The following SPAG1 variants were observed in gnomAD, a reference collection of about 807,000 sequenced individuals.
The protein encoded by SPAG1 is sperm-associated antigen 1.
SPAG1 carries 69 observed loss-of-function variants against 100.5 expected under a neutral mutation model. That is an observed-to-expected ratio of 0.69 (90% confidence interval 0.57 to 0.84). The LOEUF (loss-of-function observed/expected upper bound fraction) is 0.84, where lower values mean the gene tolerates loss of function less well. Ranked by LOEUF, SPAG1 falls within the 40% of genes least tolerant of loss-of-function variation. The pLI, the probability that SPAG1 is intolerant of heterozygous loss-of-function variation, is 0.00. For synonymous variants in SPAG1, 336 were observed against 411.6 expected, an observed-to-expected ratio of 0.82 and a Z score of 2.22; for missense variants, 955 against 1,133.1, an observed-to-expected ratio of 0.84 and a Z score of 2.26.
At chr8:100,188,288 AC>A (rs1816672624) in intron 8 of SPAG1, among the ~76,000 whole-genome samples, 1 of 152,068 alleles carries the variant, frequency 6.6e-6, no homozygotes, top group Admixed American at 6.5e-5. Context: ...AGTAGCTGGG[AC>A]TACAAGCACG....
chr8:100,212,627 C>A (rs1487864326), intron 10 of SPAG1, among the ~76,000 whole-genome samples: 2 of 152,146 alleles, frequency 1.3e-5, no homozygotes, highest in Non-Finnish European at 2.9e-5. Flanking sequence ...AAATCACTTA[C>A]GCTTTATTTT....
intron 14 of SPAG1, among the ~76,000 whole-genome samples, chr8:100,228,026 T>C (rs901519988): frequency 6.6e-6 from 1 of 151,890 alleles, no homozygotes; most frequent in South Asian, 2.1e-4. Context: ...GTATTTTTTA[T>C]AGAGACAGGA....
At chr8:100,202,853 G>A (rs1817347446) in intron 10 of SPAG1, among the ~76,000 whole-genome samples, 1 of 149,980 alleles carries the variant, frequency 6.7e-6, no homozygotes, top group South Asian at 2.2e-4. Context: ...CTAGCTTTTA[G>A]TAAGTTTTGA....
intron 3 of SPAG1, among the ~76,000 whole-genome samples, chr8:100,166,406 A>AT (rs943710568): frequency 6.6e-6 from 1 of 151,900 alleles, no homozygotes; most frequent in African/African-American, 2.4e-5. Flanking sequence ...TTACAGGTGC[A>AT]TGCCACCATG....
Position 100,191,453 on chromosome 8 carries a change from TGAGTA to T in SPAG1, c.897_901del (p.Lys301ThrfsTer4), listed in dbSNP as rs751845138. On this transcript the variant is annotated frameshift_variant, in exon 9 of 19. Coordinates refer to ENST00000388798, the MANE Select transcript of SPAG1 (RefSeq NM_003114.5). LOFTEE classifies it high-confidence loss of function. ...AAGCTCCGGGAAGCTACAGAAGATT[TGAGTA>T]AAGTACTAGATGTTGAGCCTGATAA... 2.8e-5 allele frequency: 45 copies of T among 1,613,840 alleles called. No individual in the cohort carries two copies. The highest frequency in any genetic ancestry group is 3.8e-5 in the Non-Finnish European group (45 of 1,179,870).
At chr8:100,208,173 T>C (rs1314566315) in intron 10 of SPAG1, among the ~76,000 whole-genome samples, 1 of 152,182 alleles carries the variant, frequency 6.6e-6, no homozygotes, top group Non-Finnish European at 1.5e-5. Flanking sequence ...GACACAACAA[T>C]GATCCTGTTA....
intron 4 of SPAG1, among the ~76,000 whole-genome samples, chr8:100,181,546 C>A (rs537931508): frequency 2.0e-5 from 3 of 152,166 alleles, no homozygotes; most frequent in African/African-American, 7.2e-5. Flanking sequence ...GTTCTAGGGG[C>A]TAGAAGTACA....
chr8:100,168,259 G>A (rs1815652281), intron 3 of SPAG1, among the ~76,000 whole-genome samples: 1 of 152,012 alleles, frequency 6.6e-6, no homozygotes, highest in Non-Finnish European at 1.5e-5. Flanking sequence ...ATCCTACCAG[G>A]TATCTCATTG....
chr8:100,180,599 T>C (rs900783457), intron 4 of SPAG1, among the ~76,000 whole-genome samples: 1 of 152,212 alleles, frequency 6.6e-6, no homozygotes, highest in Non-Finnish European at 1.5e-5. Flanking sequence ...CAGCTGGTTT[T>C]TATAAGGTAG....
intron 1 of SPAG1, among the ~76,000 whole-genome samples, chr8:100,162,044 GTGGGACAGGCACAA>G (rs1815330205): frequency 6.6e-6 from 1 of 152,126 alleles, no homozygotes; most frequent in Admixed American, 6.5e-5. Context: ...GAACACCTAG[GTGGGACAGGCACAA>G]TGGCTCATGC....
Position 100,213,868 on chromosome 8 carries a change from A to C in SPAG1, c.1485A>C (p.Ala495=). 1.9e-6 allele frequency: 3 copies of C among 1,606,432 alleles called. No homozygotes were observed. In the South Asian group the frequency reaches 3.3e-5, roughly 18 times the overall value. Residue 495 remains alanine (A), a synonymous_variant, in exon 12 of 19, where the codon GCA becomes GCC. Coordinates refer to ENST00000388798, the MANE Select transcript of SPAG1 (RefSeq NM_003114.5). ...DLSILYSNRA[A]CYLKEGNCSG... is the part of the protein sequence containing the mutation. ...GTATCTTATATTCAAATAGAGCAGC[A>C]TGTTACCTAAAAGAAGGAAACTGCA...
chr8:100,171,991 T>G (rs1227277953), intron 3 of SPAG1, among the ~76,000 whole-genome samples: 1 of 152,024 alleles, frequency 6.6e-6, no homozygotes, highest in African/African-American at 2.4e-5. Flanking sequence ...GCCTCTCCAG[T>G]TCAAGTGATT....
intron 13 of SPAG1, among the ~76,000 whole-genome samples, chr8:100,224,941 A>G (rs1818440475): frequency 6.6e-6 from 1 of 152,212 alleles, no homozygotes; most frequent in African/African-American, 2.4e-5. Context: ...TTAACAAATT[A>G]AAAATGTCTT....
intron 2 of SPAG1, chr8:100,165,555 C>A (rs1046530090): frequency 7.5e-6 from 3 of 400,738 alleles, no homozygotes; most frequent in Non-Finnish European, 1.4e-5. Context: ...GGGGACCACA[C>A]CGCCCCACTC....
chr8:100,241,028 G>C lies in SPAG1; in HGVS notation c.*6G>C. On this transcript the variant is annotated 3_prime_UTR_variant, in exon 19 of 19. Coordinates refer to ENST00000388798, the MANE Select transcript of SPAG1 (RefSeq NM_003114.5). The surrounding 1 kb of genome is among the most constrained non-coding windows in gnomAD (Gnocchi z 5.1). ...AAAGGCAGTATGAGCTTTAAATCAA[G>C]ATAATTGTTAGATTTCTTCCATGCA... 6.2e-7 allele frequency: 1 copy of C among 1,608,706 alleles called. No homozygotes were observed.
chr8:100,196,673 G>T (rs1198826088), intron 10 of SPAG1, among the ~76,000 whole-genome samples: 1 of 151,762 alleles, frequency 6.6e-6, no homozygotes, highest in African/African-American at 2.4e-5. Flanking sequence ...CAGAGCAAAG[G>T]TTTTTCATTT....
intron 15 of SPAG1, among the ~76,000 whole-genome samples, chr8:100,231,498 G>A (rs1364295915): frequency 6.6e-6 from 1 of 152,192 alleles, no homozygotes; most frequent in Non-Finnish European, 1.5e-5. Flanking sequence ...AGGTGTGGGC[G>A]GGATGGGAGG....
chr8:100,236,029 C>T (rs576899835), intron 16 of SPAG1, among the ~76,000 whole-genome samples: 3 of 152,306 alleles, frequency 2.0e-5, no homozygotes, highest in Admixed American at 2.0e-4. Context: ...ACATTTACCT[C>T]TTACTGGCTG....
intron 10 of SPAG1, among the ~76,000 whole-genome samples, chr8:100,197,958 G>C (rs1049218707): frequency 2.6e-5 from 4 of 152,264 alleles, no homozygotes; most frequent in Middle Eastern, 3.4e-3. Context: ...GAGTTCATGG[G>C]CTTTTTCCTG....
Sources: allele counts gnomAD v4.1 joint callset (sites outside exome capture counted in the v4.1 genomes callset), GRCh38; gene constraint gnomAD v4.1.1; non-coding constraint Gnocchi (gnomAD v3.1); transcripts MANE v1.5; gene names NCBI Gene and HGNC (gene_info 2026-07-23, HGNC 2026-07-21).